Variants in ECT2L observed in about 807,000 individuals in gnomAD.
The protein encoded by ECT2L is epithelial cell-transforming sequence 2 oncogene-like.
In ECT2L, 126 loss-of-function variants were observed where a neutral mutation model predicts 122.8. That is an observed-to-expected ratio of 1.03 (90% confidence interval 0.89 to 1.19). The LOEUF is 1.19. Among genes scored for constraint, ECT2L ranks in the 50% most tolerant of loss-of-function variants. The pLI is 0.00. For missense variants in ECT2L, 1,012 were observed against 1,064.1 expected, an observed-to-expected ratio of 0.95 and a Z score of 0.68; for synonymous variants, 385 against 381.8, an observed-to-expected ratio of 1.01 and a Z score of -0.10.
chr6:138,887,227 T>TTTTTA (rs372649499), intron 19 of ECT2L, among the ~76,000 whole-genome samples: 3 of 124,352 alleles, frequency 2.4e-5, no homozygotes, highest in African/African-American at 1.2e-4. Flanking sequence ...TTCTTTTCTT[T>TTTTTA]AATTTTTTTT....
In ECT2L at chr6:138,854,058, C is replaced by A. The variant is rs1388486994; in HGVS notation, c.1102C>A (p.Pro368Thr). 1 of 1,613,906 alleles carries A rather than the reference C, an allele frequency of 6.2e-7. No homozygotes were observed. Among genetic ancestry groups the A allele is most frequent in the East Asian group, 2.2e-5 (1 of 44,892 alleles). The change falls in exon 10 of 22, where the codon CCT (proline) becomes ACT (threonine). Residue 368 changes from proline (P) to threonine (T), a missense_variant. Coordinates refer to ENST00000541398, the MANE Select transcript of ECT2L (RefSeq NM_001077706.3). ...YKIGVKNLLR[P>T]EVRDFWEKLG... ...AATTGGTGTTAAAAATTTACTGAGGCCTGAAGTGAGAGATTTCTGGGAGAA... is the reference window on the plus strand; with the variant it reads ...AATTGGTGTTAAAAATTTACTGAGGACTGAAGTGAGAGATTTCTGGGAGAA...
rs138819976 is a variant in ECT2L at position 138,802,537 on chromosome 6, T to C, written c.-244+6345T>C. On this transcript the variant is annotated intron_variant, in intron 1 of 21. Transcript: ENST00000541398. ...CCCTTTTGAAGATTCGTTGTGAACA[T>C]TAAGCATATTAAAACATCCAAAACA... is the stretch of plus-strand genomic sequence containing the variant. 3.4e-3 allele frequency among the ~76,000 whole-genome samples: 514 copies of C among 152,330 alleles called. 2 individuals carry two copies. Among genetic ancestry groups the C allele is most frequent in the Admixed American group, 0.014 (221 of 15,306 alleles).
intron 4 of ECT2L, among the ~76,000 whole-genome samples, chr6:138,832,001 T>A (rs775937519): frequency 2.0e-5 from 3 of 151,840 alleles, no homozygotes; most frequent in Non-Finnish European, 2.9e-5. Context: ...TGGATAATAG[T>A]GCATGAAACT....
At chr6:138,891,280 CAT>C (rs941584213) in intron 20 of ECT2L, among the ~76,000 whole-genome samples, 1 of 152,162 alleles carries the variant, frequency 6.6e-6, no homozygotes, top group Admixed American at 6.5e-5. Context: ...ATTTATTTGA[CAT>C]GTTTTGAAAT....
chr6:138,858,654 G>T (rs1777706045), intron 10 of ECT2L, among the ~76,000 whole-genome samples: 1 of 145,456 alleles, frequency 6.9e-6, no homozygotes, highest in African/African-American at 2.6e-5. Context: ...GCAGCCACTG[G>T]TCTTTCTTTC....
At chr6:138,811,926 T>C (rs1198973606) in intron 1 of ECT2L, among the ~76,000 whole-genome samples, 3 of 152,100 alleles carry the variant, frequency 2.0e-5, no homozygotes, top group African/African-American at 7.2e-5. Flanking sequence ...TGGCCTCAAG[T>C]GATCCACCCA....
chr6:138,821,010 CA>C (rs2128377633), intron 4 of ECT2L, among the ~76,000 whole-genome samples: 1 of 152,312 alleles, frequency 6.6e-6, no homozygotes, highest in South Asian at 2.1e-4. Flanking sequence ...CAAAGTTCCC[CA>C]GGTGATCTGG....
chr6:138,831,444 C>G (rs567932461), intron 4 of ECT2L, among the ~76,000 whole-genome samples: 2 of 152,338 alleles, frequency 1.3e-5, no homozygotes, highest in Non-Finnish European at 2.9e-5. Context: ...TCCATAGTTC[C>G]TGGTGCTTCA....
rs1419289298 is a variant in ECT2L, at chr6:138,856,427, C to A, written c.1198+2273C>A. Among the ~76,000 whole-genome samples, 3 of 152,154 alleles carry A rather than the reference C, an allele frequency of 2.0e-5. No homozygotes were observed. The East Asian group carries it at 5.8e-4, about 29-fold the overall frequency. Reference sequence around the variant, plus strand: ...ACGGGGTTTCACCATATTGGCCAGGCTGGTCTAGAACTTCTGACCTCATGA... The same window carrying A: ...ACGGGGTTTCACCATATTGGCCAGGATGGTCTAGAACTTCTGACCTCATGA... On this transcript the variant is annotated intron_variant, in intron 10 of 21. Transcript: ENST00000541398.
chr6:138,826,125 T>C (rs1776443401), intron 4 of ECT2L, among the ~76,000 whole-genome samples: 1 of 152,204 alleles, frequency 6.6e-6, no homozygotes, highest in South Asian at 2.1e-4. Flanking sequence ...ATCAGCCCTT[T>C]CCTTGGTACT....
intron 20 of ECT2L, among the ~76,000 whole-genome samples, chr6:138,890,415 G>C (rs370689015): frequency 4.9e-4 from 73 of 148,470 alleles, no homozygotes; most frequent in African/African-American, 1.7e-3. Flanking sequence ...TCCTTACCTA[G>C]ACTAGATCTT....
rs1399079488 is a variant in ECT2L, at chr6:138,844,504, G to A, written c.688G>A (p.Val230Ile). ...ATGCCAACCACGCCTCTCCCAGACT[G>A]TAAGGGAGCGAGTGGGATTACATGA... ...PRCQPRLSQT[V>I]RERVGLHEAL... Residue 230 changes from valine to isoleucine, a missense_variant, in exon 7 of 22, where the codon GTA (valine) becomes ATA (isoleucine). Coordinates refer to ENST00000541398, the MANE Select transcript of ECT2L (RefSeq NM_001077706.3). 6.2e-7 allele frequency: 1 copy of A among 1,614,180 alleles called. No individual in the cohort carries two copies. The highest frequency in any genetic ancestry group is 2.2e-5 in the East Asian group (1 of 44,878).
chr6:138,872,086 T>C (rs560832108), intron 13 of ECT2L, among the ~76,000 whole-genome samples: 2 of 152,202 alleles, frequency 1.3e-5, no homozygotes, highest in South Asian at 4.2e-4. Flanking sequence ...GCCATCCTCC[T>C]GTCTCAGCCT....
chr6:138,842,438 G>A (rs1777071097), intron 5 of ECT2L, among the ~76,000 whole-genome samples: 2 of 151,590 alleles, frequency 1.3e-5, no homozygotes, highest in Non-Finnish European at 2.9e-5. Context: ...TCCAGCCTGG[G>A]CGACAGAGCA....
Position 138,876,562 on chromosome 6 carries a change from A to T in ECT2L, c.1665+4A>T. On this transcript the variant is annotated splice_donor_region_variant and intron_variant, in intron 14 of 21. Coordinates refer to ENST00000541398, the MANE Select transcript of ECT2L (RefSeq NM_001077706.3). ...TTTTGAAGCACTGATTAATCTGGTA[A>T]GCTATTATATAATGTAACTTTACCA... The T allele has an allele frequency of 6.3e-7, 1 of 1,593,468 alleles. No individual in the cohort carries two copies. Among genetic ancestry groups the T allele is most frequent in the Non-Finnish European group, 8.6e-7 (1 of 1,162,290 alleles).
At chr6:138,853,635 G>A (rs552122650) in intron 9 of ECT2L, among the ~76,000 whole-genome samples, 4 of 152,246 alleles carry the variant, frequency 2.6e-5, no homozygotes, top group African/African-American at 9.6e-5. Flanking sequence ...ATCTCTGGGA[G>A]CCTTAACTTC....
intron 1 of ECT2L, among the ~76,000 whole-genome samples, chr6:138,799,786 AACAATCC>A (rs1299349549): frequency 2.6e-5 from 4 of 152,152 alleles, no homozygotes; most frequent in African/African-American, 9.7e-5. Context: ...CCTGAGCTCA[AACAATCC>A]ACCCACTCTG....
At chr6:138,853,010 C>G (rs1777502802) in intron 9 of ECT2L, among the ~76,000 whole-genome samples, 1 of 152,144 alleles carries the variant, frequency 6.6e-6, no homozygotes, top group Non-Finnish European at 1.5e-5. Context: ...CTCTGTCGCC[C>G]AGGCTGGAGT....
Position 138,900,962 on chromosome 6 carries a change from T to A in ECT2L, c.2429T>A (p.Ile810Asn). The part of the protein sequence containing the change: ...ISFSLRLYEH[I>N]HDLSLFLFND... Reference sequence around the variant, plus strand: ...TTTTAACACAGGCTCTATGAACACATCCATGATCTCAGCCTTTTCCTCTTC... The same window carrying A: ...TTTTAACACAGGCTCTATGAACACAACCATGATCTCAGCCTTTTCCTCTTC... Residue 810 changes from isoleucine (I) to asparagine (N), a missense_variant, in exon 21 of 22, where the codon ATC becomes AAC. Physicochemically the swap from Ile to Asn is moderately radical, Grantham distance 149. Coordinates refer to ENST00000541398, the MANE Select transcript of ECT2L (RefSeq NM_001077706.3). 3 of 1,614,044 alleles carry A rather than the reference T, an allele frequency of 1.9e-6. No individual in the cohort carries two copies. Among genetic ancestry groups the A allele is most frequent in the Non-Finnish European group, 2.5e-6 (3 of 1,179,974 alleles).
Sources: gnomAD v4.1 joint callset for allele counts (sites outside exome capture counted in the v4.1 genomes callset) on GRCh38, gnomAD v4.1.1 for gene constraint, MANE v1.5 for transcripts, NCBI Gene and HGNC (gene_info 2026-07-23, HGNC 2026-07-21) for gene names.